Variants in ZNF469 observed in about 807,000 individuals in gnomAD.
ZNF469 encodes the protein zinc finger protein 469.
Under a neutral mutation model 1.0 loss-of-function variants are expected in ZNF469, and 1 was observed. The observed-to-expected ratio is 1.00, with a 90% confidence interval of 0.35 to 4.73. The LOEUF (loss-of-function observed/expected upper bound fraction) is 4.73, where lower values mean the gene tolerates loss of function less well. Ranked by LOEUF, ZNF469 falls within the 30% of genes most tolerant of loss-of-function variation. ZNF469 has a pLI of 0.16. For synonymous variants in ZNF469, 2,703 were observed against 2,363.4 expected (o/e 1.14, Z -4.17); for missense variants, 6,100 against 5,356.3 (o/e 1.14, Z -4.33).
At chr16:88,305,428 TCACA>T in the ZNF469 span, among the ~76,000 whole-genome samples, 4 of 106,642 alleles carry the variant, frequency 3.8e-5, no homozygotes, top group Non-Finnish European at 7.6e-5. Context: ...ATGCACGCCC[TCACA>T]CACGTGCACA....
chr16:88,178,879 G>A, the ZNF469 span: 2 of 149,634 alleles, frequency 1.3e-5, no homozygotes, highest in Non-Finnish European at 3.0e-5. Flanking sequence ...TTCACCTGGA[G>A]GCCGCCCACC....
At chr16:88,416,904 C>T (rs915310197) in intron 1 of ZNF469, among the ~76,000 whole-genome samples, 3 of 152,188 alleles carry the variant, frequency 2.0e-5, no homozygotes, top group African/African-American at 4.8e-5. Flanking sequence ...GCCTGTCCTG[C>T]GGTCGGCGTC....
chr16:88,360,090 C>T, the ZNF469 span, among the ~76,000 whole-genome samples: 1 of 152,166 alleles, frequency 6.6e-6, no homozygotes, highest in Non-Finnish European at 1.5e-5. Flanking sequence ...CTCCTGACTG[C>T]AGATGCACCC....
At chr16:88,384,283 C>T (rs1289004305) in intron 1 of ZNF469, among the ~76,000 whole-genome samples, 1 of 152,242 alleles carries the variant, frequency 6.6e-6, no homozygotes, top group Non-Finnish European at 1.5e-5. Flanking sequence ...CTGCCAAGAG[C>T]AAGTCTAGTT....
chr16:88,356,122 T>A, the ZNF469 span, among the ~76,000 whole-genome samples: 1 of 152,118 alleles, frequency 6.6e-6, no homozygotes, highest in South Asian at 2.1e-4. Flanking sequence ...TTCAGAACTA[T>A]GTGTGTACCC....
At chr16:88,144,111 G>A in the ZNF469 span, among the ~76,000 whole-genome samples, 2 of 152,206 alleles carry the variant, frequency 1.3e-5, no homozygotes, top group African/African-American at 4.8e-5. Context: ...GGATGGAAGA[G>A]GTACGCCCGG....
At chr16:88,118,526 C>T in the ZNF469 span, among the ~76,000 whole-genome samples, 54 of 152,302 alleles carry the variant, frequency 3.5e-4, no homozygotes, top group Middle Eastern at 6.8e-3. Flanking sequence ...TGTGTCAGCT[C>T]ACCTGTCACC....
chr16:88,189,624 C>T, the ZNF469 span, among the ~76,000 whole-genome samples: 17,854 of 152,190 alleles, frequency 0.12, 1,449 homozygotes, highest in South Asian at 0.21. This position sits in a 1 kb window ranked among gnomAD's most constrained non-coding sequence, Gnocchi z 4.3. Context: ...ATTGTTGCCA[C>T]AGAAAAAGGC....
the ZNF469 span, among the ~76,000 whole-genome samples, chr16:88,214,637 A>G: frequency 6.6e-6 from 1 of 151,988 alleles, no homozygotes; most frequent in African/African-American, 2.4e-5. Context: ...TATTTCTCCT[A>G]ATGTTATCCC....
At chr16:88,252,614 C>T in the ZNF469 span, among the ~76,000 whole-genome samples, 1 of 152,140 alleles carries the variant, frequency 6.6e-6, no homozygotes, top group African/African-American at 2.4e-5. Context: ...CATGCCATTC[C>T]CAGAAGTTCT....
chr16:88,265,333 G>A, the ZNF469 span, among the ~76,000 whole-genome samples: 1 of 152,170 alleles, frequency 6.6e-6, no homozygotes. Flanking sequence ...GACCCCTCAG[G>A]AGGTTCCCCT....
At chr16:88,164,837 A>G in the ZNF469 span, among the ~76,000 whole-genome samples, 4 of 152,320 alleles carry the variant, frequency 2.6e-5, no homozygotes, top group South Asian at 8.3e-4. Context: ...TGAATAGTGC[A>G]TGAGTCCATT....
chr16:88,192,752 T>C, the ZNF469 span, among the ~76,000 whole-genome samples: 1 of 151,916 alleles, frequency 6.6e-6, no homozygotes, highest in African/African-American at 2.4e-5. Flanking sequence ...GTGGTGACAG[T>C]GGTGATGATC....
the ZNF469 span, among the ~76,000 whole-genome samples, chr16:88,228,066 C>A: frequency 6.6e-6 from 1 of 152,250 alleles, no homozygotes; most frequent in African/African-American, 2.4e-5. Context: ...CCCACCGTTG[C>A]ATTTAGGGCC....
chr16:88,236,853 CAA>C, the ZNF469 span, among the ~76,000 whole-genome samples: 78 of 139,702 alleles, frequency 5.6e-4, no homozygotes, highest in Non-Finnish European at 8.2e-4. Context: ...GACTCTGTCT[CAA>C]AAAAAAAAAA....
At chr16:88,331,282 TCACCATCAC>T in the ZNF469 span, among the ~76,000 whole-genome samples, 57 of 148,772 alleles carry the variant, frequency 3.8e-4, no homozygotes, top group African/African-American at 1.4e-3. Flanking sequence ...GTCATCATCA[TCACCATCAC>T]CACCATCACC....
the ZNF469 span, among the ~76,000 whole-genome samples, chr16:88,321,111 C>A: frequency 4.6e-5 from 7 of 152,394 alleles, no homozygotes; most frequent in Middle Eastern, 3.4e-3. Flanking sequence ...AGCGGCCCAG[C>A]CTGGCCCGGG....
the ZNF469 span, among the ~76,000 whole-genome samples, chr16:88,168,399 C>T: frequency 6.6e-6 from 1 of 152,090 alleles, no homozygotes; most frequent in African/African-American, 2.4e-5. This position sits in a 1 kb window ranked among gnomAD's most constrained non-coding sequence, Gnocchi z 4.3. Context: ...CTGGGAATTC[C>T]GTGGCCTCCC....
At chr16:88,143,245 C>T in the ZNF469 span, among the ~76,000 whole-genome samples, 1 of 152,230 alleles carries the variant, frequency 6.6e-6, no homozygotes, top group Non-Finnish European at 1.5e-5. Flanking sequence ...CCCCCTGTGT[C>T]AATGGAGATT....
Sources: allele counts gnomAD v4.1 joint callset (sites outside exome capture counted in the v4.1 genomes callset), GRCh38; gene constraint gnomAD v4.1.1; non-coding constraint Gnocchi (gnomAD v3.1); transcripts MANE v1.5; gene names NCBI Gene and HGNC (gene_info 2026-07-23, HGNC 2026-07-21).